EYS: variants seen among roughly 807,000 people sequenced by gnomAD.
EYS encodes EGF-like photoreceptor maintenance factor, also known as protein eyes shut homolog.
Under a neutral mutation model 282.1 loss-of-function variants are expected in EYS, and 250 were observed. The observed-to-expected ratio is 0.89, with a 90% CI of 0.80 to 0.98. The LOEUF is 0.98. Ranked by LOEUF, EYS falls within the 50% of genes least tolerant of loss-of-function variation. The pLI is 0.00. For synonymous variants in EYS, 1,355 were observed against 1,282.9 expected (o/e 1.06, Z -1.20); for missense variants, 4,016 against 3,709.0 (o/e 1.08, Z -2.15).
chr6:65,559,038 G>A (rs1335276020), intron 2 of EYS, among the ~76,000 whole-genome samples: 1 of 152,090 alleles, frequency 6.6e-6, no homozygotes, highest in African/African-American at 2.4e-5. Context: ...ATAGAATAAA[G>A]AGAGAAGCTA....
Position 65,402,606 on chromosome 6 carries a change from C to G in EYS, c.1057-1G>C. On this transcript the variant is annotated splice_acceptor_variant, in intron 6 of 42. Transcript: ENST00000503581. LOFTEE classifies it high-confidence loss of function. ...TTGGTGAACAGATGCACATAACATC[C>G]TAGGAAAGATTAAAAAAATATTTTT... is the stretch of plus-strand genomic sequence containing the variant. The G allele has an allele frequency of 6.4e-7, 1 of 1,568,220 alleles. No homozygotes were observed. Among genetic ancestry groups the G allele is most frequent in the Non-Finnish European group, 8.8e-7 (1 of 1,140,392 alleles).
At chr6:64,506,651 G>A (rs1470951286) in intron 26 of EYS, among the ~76,000 whole-genome samples, 1 of 152,048 alleles carries the variant, frequency 6.6e-6, no homozygotes, top group Non-Finnish European at 1.5e-5. Flanking sequence ...GGTGGCCCAC[G>A]CATGCAATCC....
intron 30 of EYS, among the ~76,000 whole-genome samples, chr6:64,254,007 T>A (rs1256233476): frequency 1.2e-4 from 18 of 152,094 alleles, no homozygotes; most frequent in Admixed American, 1.2e-3. Context: ...GGAACTGTAA[T>A]CAACCTAAGC....
chr6:64,429,917 GT>G (rs745551145), intron 28 of EYS, among the ~76,000 whole-genome samples: 1 of 152,160 alleles, frequency 6.6e-6, no homozygotes, highest in Non-Finnish European at 1.5e-5. Flanking sequence ...CCATGGTCAT[GT>G]TTTTCTTGAC....
chr6:63,813,977 C>G (rs188608804), intron 36 of EYS, among the ~76,000 whole-genome samples: 1 of 152,220 alleles, frequency 6.6e-6, no homozygotes, highest in Non-Finnish European at 1.5e-5. Context: ...TTGCTTGCCT[C>G]TCCAGTTTTC....
chr6:63,945,583 C>T (rs999652219), intron 35 of EYS, among the ~76,000 whole-genome samples: 1 of 152,116 alleles, frequency 6.6e-6, no homozygotes, highest in African/African-American at 2.4e-5. Flanking sequence ...AAAGTACATG[C>T]AAATATACTT....
chr6:64,023,934 T>G lies in EYS; in HGVS notation c.6726-24751A>C, dbSNP rs542162541. On this transcript the variant is annotated intron_variant, in intron 33 of 42. Coordinates refer to ENST00000503581, the MANE Select transcript of EYS (RefSeq NM_001142800.2). ...GCTTAGCACCTGGGCCAGCAGCTGCTGTGCTCAATTTCTCACCGGGCCTTG... is the reference window on the plus strand; with the variant it reads ...GCTTAGCACCTGGGCCAGCAGCTGCGGTGCTCAATTTCTCACCGGGCCTTG... Among the ~76,000 whole-genome samples the G allele has an allele frequency of 3.9e-5, 6 of 152,308 alleles. No homozygotes were observed. The East Asian group carries it at 1.2e-3, about 29-fold the overall frequency.
At chr6:64,149,064 T>C (rs1774616805) in intron 31 of EYS, among the ~76,000 whole-genome samples, 1 of 152,174 alleles carries the variant, frequency 6.6e-6, no homozygotes, top group South Asian at 2.1e-4. Context: ...TTTCCTTTGT[T>C]TTGCTTTTCT....
At chr6:64,264,759 A>C (rs1767701034) in intron 30 of EYS, among the ~76,000 whole-genome samples, 1 of 151,894 alleles carries the variant, frequency 6.6e-6, no homozygotes, top group Non-Finnish European at 1.5e-5. Flanking sequence ...AAAATACAAA[A>C]ATTTTCCGGG....
intron 26 of EYS, among the ~76,000 whole-genome samples, chr6:64,521,277 A>T (rs1018119873): frequency 5.9e-5 from 9 of 151,770 alleles, no homozygotes; most frequent in African/African-American, 2.2e-4. Flanking sequence ...TTTAAGCCAA[A>T]TTTAATTTAG....
intron 28 of EYS, among the ~76,000 whole-genome samples, chr6:64,424,949 T>G (rs1774354324): frequency 6.6e-6 from 1 of 152,082 alleles, no homozygotes; most frequent in African/African-American, 2.4e-5. Context: ...AACCTAAAAT[T>G]TGAAGAAGGA....
intron 5 of EYS, among the ~76,000 whole-genome samples, chr6:65,448,783 T>A (rs12200840): frequency 0.19 from 28,169 of 152,044 alleles, 3,262 homozygotes; most frequent in Middle Eastern, 0.3. Context: ...TTTGGTAATT[T>A]TATTATGAAA....
chr6:64,676,849 G>T (rs964176902), intron 22 of EYS, among the ~76,000 whole-genome samples: 135 of 152,062 alleles, frequency 8.9e-4, no homozygotes, highest in African/African-American at 3.1e-3. Flanking sequence ...TGAGGGCTCT[G>T]CTCTCAAGAC....
At chr6:65,235,014 T>C (rs908680457) in intron 12 of EYS, among the ~76,000 whole-genome samples, 1 of 152,176 alleles carries the variant, frequency 6.6e-6, no homozygotes, top group African/African-American at 2.4e-5. Flanking sequence ...GCTAAAGCCA[T>C]ATTAGGGGTG....
chr6:64,630,161 T>C (rs1480451231), intron 22 of EYS, among the ~76,000 whole-genome samples: 2 of 152,342 alleles, frequency 1.3e-5, no homozygotes, highest in East Asian at 3.9e-4. Context: ...AGTGGCACGA[T>C]CTCGGCTCAC....
intron 22 of EYS, among the ~76,000 whole-genome samples, chr6:64,738,505 T>G (rs1382124286): frequency 2.0e-5 from 3 of 152,162 alleles, no homozygotes; most frequent in Non-Finnish European, 4.4e-5. Flanking sequence ...CTCAGGTAGC[T>G]CTTTATGGCA....
chr6:64,493,252 C>A (rs749566260), intron 26 of EYS, among the ~76,000 whole-genome samples: 4 of 151,328 alleles, frequency 2.6e-5, no homozygotes, highest in Admixed American at 6.6e-5. Flanking sequence ...AATATAAAAA[C>A]CAAATAGCAG....
intron 11 of EYS, among the ~76,000 whole-genome samples, chr6:65,328,726 A>T (rs1231440636): frequency 6.7e-6 from 1 of 149,958 alleles, no homozygotes; most frequent in African/African-American, 2.4e-5. Context: ...ATATGATCTG[A>T]TGTGAAAATA....
intron 14 of EYS, among the ~76,000 whole-genome samples, chr6:64,983,243 T>C (rs1313052699): frequency 6.6e-6 from 1 of 151,172 alleles, no homozygotes; most frequent in African/African-American, 2.4e-5. Context: ...CTAGACAGAA[T>C]AATGTACAAT....
Sources: allele counts gnomAD v4.1 joint callset (sites outside exome capture counted in the v4.1 genomes callset), GRCh38; gene constraint gnomAD v4.1.1; transcripts MANE v1.5; gene names NCBI Gene and HGNC (gene_info 2026-07-23, HGNC 2026-07-21).